Variants in ZNF385D observed in about 807,000 individuals in gnomAD.
ZNF385D encodes zinc finger protein 659.
In ZNF385D, 15 loss-of-function variants were observed where a neutral mutation model predicts 35.8. The observed-to-expected ratio is 0.42, with a 90% CI of 0.28 to 0.64. The LOEUF (loss-of-function observed/expected upper bound fraction) is 0.64. ZNF385D is among the 30% of genes least tolerant of loss of function. The pLI is 0.23. For synonymous variants in ZNF385D, 212 were observed against 186.8 expected (o/e 1.13, Z -1.10); for missense variants, 474 against 494.6 (o/e 0.96, Z 0.39).
At chr3:22,007,967 A>G (rs997869122) in intron 3 of ZNF385D, among the ~76,000 whole-genome samples, 5 of 152,044 alleles carry the variant, frequency 3.3e-5, no homozygotes, top group Non-Finnish European at 5.9e-5. Context: ...ACCTATGTAC[A>G]AATGAGTTGA....
chr3:21,597,972 G>C (rs1272060415), intron 2 of ZNF385D, among the ~76,000 whole-genome samples: 1 of 152,100 alleles, frequency 6.6e-6, no homozygotes, highest in East Asian at 1.9e-4. Context: ...GATCTGACAG[G>C]ATGATTGAGA....
intron 3 of ZNF385D, among the ~76,000 whole-genome samples, chr3:21,956,665 G>A (rs917588616): frequency 2.0e-5 from 3 of 151,754 alleles, no homozygotes; most frequent in Non-Finnish European, 4.4e-5. Context: ...TTATGCAATG[G>A]TAAAAAGTGA....
At chr3:21,933,229 T>C (rs1283132256) in intron 3 of ZNF385D, among the ~76,000 whole-genome samples, 2 of 152,230 alleles carry the variant, frequency 1.3e-5, no homozygotes, top group Non-Finnish European at 2.9e-5. Flanking sequence ...TTTTTCTCTT[T>C]TCCCTCCACA....
intron 2 of ZNF385D, among the ~76,000 whole-genome samples, chr3:21,636,307 TATATAG>T (rs1307078306): frequency 6.8e-6 from 1 of 146,104 alleles, no homozygotes; most frequent in Non-Finnish European, 1.5e-5. Flanking sequence ...TAATAGGAGA[TATATAG>T]ATATAGATAT....
At chr3:21,766,227 T>A (rs2070824485) in intron 3 of ZNF385D, among the ~76,000 whole-genome samples, 3 of 152,126 alleles carry the variant, frequency 2.0e-5, no homozygotes, top group Non-Finnish European at 4.4e-5. Context: ...TATCCTCCAC[T>A]GATAATTTGT....
intron 2 of ZNF385D, among the ~76,000 whole-genome samples, chr3:22,192,313 C>A (rs1364441225): frequency 5.3e-5 from 8 of 152,224 alleles, no homozygotes; most frequent in South Asian, 2.1e-4. Context: ...ACAAAGAAAT[C>A]ATATTGTAGC....
chr3:21,471,254 TTCTCTCTCTCTCTCTCTCTTTC>T (rs144116140), intron 4 of ZNF385D, among the ~76,000 whole-genome samples: 1,311 of 104,968 alleles, frequency 0.012, 12 homozygotes, highest in East Asian at 0.033. Flanking sequence ...CTCCCTCCCT[TTCTCTCTCTCTCTCTCTCTTTC>T]TCTCTCTCTC....
At chr3:21,932,014 A>C (rs906723816) in intron 3 of ZNF385D, among the ~76,000 whole-genome samples, 2 of 151,864 alleles carry the variant, frequency 1.3e-5, no homozygotes, top group Non-Finnish European at 2.9e-5. Context: ...AAAAATACAA[A>C]AAATTAGCCG....
chr3:21,440,205 G>T (rs1319405173), intron 4 of ZNF385D, among the ~76,000 whole-genome samples: 1 of 151,880 alleles, frequency 6.6e-6, no homozygotes, highest in Non-Finnish European at 1.5e-5. Context: ...CTTTAATATG[G>T]TACATTAAAT....
intron 3 of ZNF385D, among the ~76,000 whole-genome samples, chr3:21,887,343 C>T (rs1209247986): frequency 1.3e-5 from 2 of 151,872 alleles, no homozygotes; most frequent in African/African-American, 4.8e-5. Context: ...TAACTATGCA[C>T]ATTAATAAAA....
intron 3 of ZNF385D, among the ~76,000 whole-genome samples, chr3:21,942,842 T>C (rs941436219): frequency 6.6e-6 from 1 of 152,184 alleles, no homozygotes; most frequent in Non-Finnish European, 1.5e-5. Context: ...AGATATAATA[T>C]ATGCTGTTCT....
chr3:21,817,510 T>A (rs966046542), intron 3 of ZNF385D, among the ~76,000 whole-genome samples: 4 of 151,112 alleles, frequency 2.6e-5, no homozygotes, highest in Non-Finnish European at 5.9e-5. Flanking sequence ...AACAAGTGGG[T>A]GAAGGATATG....
chr3:22,323,009 C>T (rs1694512688), intron 2 of ZNF385D, among the ~76,000 whole-genome samples: 1 of 152,120 alleles, frequency 6.6e-6, no homozygotes, highest in African/African-American at 2.4e-5. Context: ...CTGTAGGTAA[C>T]CGTACTCCTG....
intron 4 of ZNF385D, among the ~76,000 whole-genome samples, chr3:21,468,140 C>T (rs1475801544): frequency 6.6e-6 from 1 of 152,060 alleles, no homozygotes; most frequent in Non-Finnish European, 1.5e-5. Context: ...TGTGGTGGCT[C>T]ATGCCTGTAA....
At chr3:21,768,967 G>T (rs1396248005) in intron 3 of ZNF385D, among the ~76,000 whole-genome samples, 1 of 151,894 alleles carries the variant, frequency 6.6e-6, no homozygotes, top group East Asian at 1.9e-4. Context: ...AAAGTCACAG[G>T]CTCAGGAAAA....
chr3:22,009,043 G>C (rs1008333624), intron 3 of ZNF385D, among the ~76,000 whole-genome samples: 1 of 152,138 alleles, frequency 6.6e-6, no homozygotes, highest in Non-Finnish European at 1.5e-5. Context: ...CTAGTGTTGG[G>C]TAACAAGGGA....
chr3:21,886,018 C>T (rs1407591056), intron 3 of ZNF385D, among the ~76,000 whole-genome samples: 1 of 152,122 alleles, frequency 6.6e-6, no homozygotes, highest in Non-Finnish European at 1.5e-5. Context: ...CAAGAAAAAA[C>T]ACCTTCTCAG....
At chr3:22,156,211 C>A (rs1339821390) in intron 3 of ZNF385D, among the ~76,000 whole-genome samples, 1 of 150,946 alleles carries the variant, frequency 6.6e-6, no homozygotes, top group East Asian at 1.9e-4. Flanking sequence ...AAGACACAAT[C>A]CTCAAGTGAA....
intron 4 of ZNF385D, among the ~76,000 whole-genome samples, chr3:21,510,647 C>T (rs1472692634): frequency 2.0e-5 from 3 of 152,136 alleles, no homozygotes; most frequent in Non-Finnish European, 4.4e-5. Context: ...CCACAGGACT[C>T]TTGCAAAATG....
Sources: gnomAD v4.1 joint callset for allele counts (sites outside exome capture counted in the v4.1 genomes callset) on GRCh38, gnomAD v4.1.1 for gene constraint, MANE v1.5 for transcripts, NCBI Gene and HGNC (gene_info 2026-07-23, HGNC 2026-07-21) for gene names.